Variants in GALNT18 observed in about 807,000 individuals in gnomAD.
GALNT18 encodes GalNAc-transferase 18.
GALNT18 carries 44 observed loss-of-function variants against 69.5 expected under a neutral mutation model. The ratio of observed to expected loss-of-function variants is 0.63; its 90% CI spans 0.50 to 0.81. GALNT18 has a LOEUF of 0.81. Ranked by LOEUF, GALNT18 falls within the 40% of genes least tolerant of loss-of-function variation. GALNT18 has a pLI of 0.00. For synonymous variants in GALNT18, 364 were observed against 318.2 expected (o/e 1.14, Z -1.53); for missense variants, 715 against 810.0 (o/e 0.88, Z 1.42).
At chr11:11,424,862 C>T (rs1006249083) in intron 3 of GALNT18, among the ~76,000 whole-genome samples, 1 of 152,134 alleles carries the variant, frequency 6.6e-6, no homozygotes, top group Non-Finnish European at 1.5e-5. Flanking sequence ...GACATTCATT[C>T]CCAGCAAAGG....
At chr11:11,462,916 G>T (rs904878788) in intron 1 of GALNT18, among the ~76,000 whole-genome samples, 2 of 152,078 alleles carry the variant, frequency 1.3e-5, no homozygotes, top group African/African-American at 4.8e-5. Flanking sequence ...CAAGTATTTG[G>T]GGTGTCAGCC....
chr11:11,287,431 C>T (rs1849214519), intron 10 of GALNT18, among the ~76,000 whole-genome samples: 1 of 152,176 alleles, frequency 6.6e-6, no homozygotes, highest in African/African-American at 2.4e-5. Flanking sequence ...TACCGAGAGT[C>T]AGTCCTCTGC....
At chr11:11,310,938 T>C (rs1849661756) in intron 9 of GALNT18, among the ~76,000 whole-genome samples, 1 of 152,202 alleles carries the variant, frequency 6.6e-6, no homozygotes, top group Non-Finnish European at 1.5e-5. Context: ...ATAAACATTA[T>C]TCAGATACCC....
chr11:11,519,140 A>T (rs1389726432), intron 1 of GALNT18, among the ~76,000 whole-genome samples: 1 of 152,136 alleles, frequency 6.6e-6, no homozygotes, highest in Non-Finnish European at 1.5e-5. Flanking sequence ...TCTAGCCCAC[A>T]CCCTGCTCGC....
intron 9 of GALNT18, among the ~76,000 whole-genome samples, chr11:11,308,756 C>T (rs1015823203): frequency 6.6e-6 from 1 of 152,186 alleles, no homozygotes; most frequent in Admixed American, 6.5e-5. Context: ...GTTCTTCTCA[C>T]TTAAGTGCCA....
intron 3 of GALNT18, among the ~76,000 whole-genome samples, chr11:11,416,600 T>A (rs1854863373): frequency 6.6e-6 from 1 of 152,206 alleles, no homozygotes; most frequent in South Asian, 2.1e-4. Context: ...CTCACATTCC[T>A]TTCCCTGGAT....
chr11:11,428,788 T>C (rs1382300926), intron 3 of GALNT18, among the ~76,000 whole-genome samples: 2 of 152,112 alleles, frequency 1.3e-5, no homozygotes, highest in African/African-American at 4.8e-5. Flanking sequence ...CACAATAAAA[T>C]ACAATAGAAT....
rs1857983937 is a variant in GALNT18 at position 11,543,913 on chromosome 11, C to A, written c.235+77446G>T. Among the ~76,000 whole-genome samples the A allele has an allele frequency of 6.6e-6, 1 of 152,250 alleles. No individual in the cohort carries two copies. Among genetic ancestry groups the A allele is most frequent in the Non-Finnish European group, 1.5e-5 (1 of 68,040 alleles). ...AGGCCTTTCCTAAGTGACTTCCTCA[C>A]TCCAGGCCCAAGCCAAGAAACATGA... On this transcript the variant is annotated intron_variant, in intron 1 of 10. Transcript: ENST00000227756. This position sits in a 1 kb window ranked among gnomAD's most constrained non-coding sequence, Gnocchi z 5.1.
intron 1 of GALNT18, among the ~76,000 whole-genome samples, chr11:11,559,443 C>G (rs539197830): frequency 1.6e-4 from 24 of 152,230 alleles, no homozygotes; most frequent in Non-Finnish European, 3.5e-4. Context: ...TCTTGGTCAT[C>G]TCTGTTTCCC....
At chr11:11,336,646 G>C (rs182196999) in intron 7 of GALNT18, among the ~76,000 whole-genome samples, 3 of 152,170 alleles carry the variant, frequency 2.0e-5, no homozygotes, top group Non-Finnish European at 2.9e-5. Context: ...AAAGGGATTG[G>C]GGCATAGCTA....
intron 1 of GALNT18, among the ~76,000 whole-genome samples, chr11:11,513,933 G>A (rs7944567): frequency 0.15 from 23,091 of 152,170 alleles, 1,905 homozygotes; most frequent in South Asian, 0.22. Context: ...ATGGGTCACG[G>A]GTGGAAAATG....
At chr11:11,350,974 T>C (rs1323808011) in intron 6 of GALNT18, among the ~76,000 whole-genome samples, 1 of 152,126 alleles carries the variant, frequency 6.6e-6, no homozygotes, top group Admixed American at 6.5e-5. Flanking sequence ...ATGCTGCCAG[T>C]ATGTAAAGAG....
At chr11:11,319,575 A>T (rs1849810197) in intron 9 of GALNT18, among the ~76,000 whole-genome samples, 1 of 152,170 alleles carries the variant, frequency 6.6e-6, no homozygotes, top group Non-Finnish European at 1.5e-5. Flanking sequence ...GTAATGAATT[A>T]AAAAGTCATA....
chr11:11,403,588 C>T (rs1014874024), intron 3 of GALNT18, among the ~76,000 whole-genome samples: 1 of 152,194 alleles, frequency 6.6e-6, no homozygotes, highest in Non-Finnish European at 1.5e-5. Flanking sequence ...TCTGGAACTT[C>T]TCCTTCTGAA....
chr11:11,422,683 A>G (rs958514304), intron 3 of GALNT18, among the ~76,000 whole-genome samples: 2 of 151,504 alleles, frequency 1.3e-5, no homozygotes, highest in Non-Finnish European at 2.9e-5. Context: ...GTAGTTTTAC[A>G]GCCTGGAATG....
chr11:11,483,765 G>A (rs1038683315), intron 1 of GALNT18, among the ~76,000 whole-genome samples: 2 of 152,230 alleles, frequency 1.3e-5, no homozygotes, highest in South Asian at 2.1e-4. Context: ...TGGGAGGGCA[G>A]GTGATGGGGG....
chr11:11,419,619 A>AAAAAAAAAAAGAAAG (rs1554932034), intron 3 of GALNT18, among the ~76,000 whole-genome samples: 12 of 128,448 alleles, frequency 9.3e-5, no homozygotes, highest in Admixed American at 1.7e-4. Flanking sequence ...AAAAAAAAAA[A>AAAAAAAAAAAGAAAG]AAAGAAAGAA....
At chr11:11,451,815 A>G (rs546229183) in intron 1 of GALNT18, among the ~76,000 whole-genome samples, 23 of 152,350 alleles carry the variant, frequency 1.5e-4, no homozygotes, top group African/African-American at 5.5e-4. Flanking sequence ...TGAAAAGGTT[A>G]AATGTCTAAT....
intron 6 of GALNT18, among the ~76,000 whole-genome samples, chr11:11,366,498 G>C (rs1850772922): frequency 6.6e-6 from 1 of 152,102 alleles, no homozygotes; most frequent in Non-Finnish European, 1.5e-5. Flanking sequence ...AGAATAATGA[G>C]ATAATAAGGC....
Sources: allele counts gnomAD v4.1 joint callset (sites outside exome capture counted in the v4.1 genomes callset), GRCh38; gene constraint gnomAD v4.1.1; non-coding constraint Gnocchi (gnomAD v3.1); transcripts MANE v1.5; gene names NCBI Gene and HGNC (gene_info 2026-07-23, HGNC 2026-07-21).